The following TSNAX variants were observed in gnomAD, a reference collection of about 807,000 sequenced individuals.
TSNAX encodes the protein translin associated factor X.
A neutral mutation model predicts 33.0 loss-of-function variants in TSNAX; 12 were observed. The ratio of observed to expected loss-of-function variants is 0.36; its 90% CI spans 0.23 to 0.59. The LOEUF (loss-of-function observed/expected upper bound fraction) is 0.59, where lower values mean the gene tolerates loss of function less well. Ranked by LOEUF, TSNAX falls within the 20% of genes least tolerant of loss-of-function variation. The probability of loss-of-function intolerance (pLI) is 0.74; values close to 1 mark genes in which losing one functional copy is unlikely to be tolerated. For synonymous variants in TSNAX, 110 were observed against 117.2 expected (o/e 0.94, Z 0.40); for missense variants, 267 against 341.3 (o/e 0.78, Z 1.72).
chr1:231,547,293 A>C (rs1659975584), intron 4 of TSNAX, among the ~76,000 whole-genome samples: 1 of 151,536 alleles, frequency 6.6e-6, no homozygotes, highest in Non-Finnish European at 1.5e-5. Context: ...ATCTACTCTG[A>C]TAGACTTTCT....
At chr1:231,549,744 A>G (rs574688480) in intron 4 of TSNAX, among the ~76,000 whole-genome samples, 2 of 152,350 alleles carry the variant, frequency 1.3e-5, no homozygotes, top group African/African-American at 4.8e-5. Context: ...TATATTGTCA[A>G]CTGTGATGAG....
At chr1:231,549,534 A>G (rs893511148) in intron 4 of TSNAX, among the ~76,000 whole-genome samples, 1 of 152,248 alleles carries the variant, frequency 6.6e-6, no homozygotes, top group African/African-American at 2.4e-5. Context: ...TTACCTGAGC[A>G]ATAAATATAA....
chr1:231,531,554 CTT>C (rs1452823403), intron 2 of TSNAX, among the ~76,000 whole-genome samples: 1 of 152,144 alleles, frequency 6.6e-6, no homozygotes, highest in Non-Finnish European at 1.5e-5. Flanking sequence ...TAGTGTCTGA[CTT>C]ACAGTGGTCA....
intron 2 of TSNAX, 33 bp downstream of exon 2, chr1:231,529,392 G>T (rs1399141128): frequency 6.2e-7 from 1 of 1,600,982 alleles, no homozygotes; most frequent in Non-Finnish European, 8.6e-7. Flanking sequence ...TGAAGAAGGG[G>T]AGAGAACAAA....
chr1:231,530,963 T>G (rs1020096751), intron 2 of TSNAX, among the ~76,000 whole-genome samples: 6 of 150,380 alleles, frequency 4.0e-5, no homozygotes, highest in South Asian at 2.1e-4. Flanking sequence ...TTTTTTGGTT[T>G]TTTTTTTTTT....
At chr1:231,557,538 G>A (rs764438276) in intron 4 of TSNAX, among the ~76,000 whole-genome samples, 1 of 152,186 alleles carries the variant, frequency 6.6e-6, no homozygotes, top group Non-Finnish European at 1.5e-5. Flanking sequence ...AGGAAATGAT[G>A]TAGCCAGCTA....
At chr1:231,538,336 G>C (rs1659327390) in intron 3 of TSNAX, among the ~76,000 whole-genome samples, 1 of 152,184 alleles carries the variant, frequency 6.6e-6, no homozygotes, top group Admixed American at 6.5e-5. Flanking sequence ...TTCTATTACA[G>C]TTGTAATCAT....
At chr1:231,558,575 T>A (rs370813531) in intron 4 of TSNAX, among the ~76,000 whole-genome samples, 2 of 152,164 alleles carry the variant, frequency 1.3e-5, no homozygotes, top group South Asian at 2.1e-4. Flanking sequence ...TTTGTGCATA[T>A]CTTCTTGTTT....
intron 4 of TSNAX, 63 bp from the exon 5 acceptor site, chr1:231,561,065 T>G: frequency 6.5e-7 from 1 of 1,537,122 alleles, no homozygotes; most frequent in Non-Finnish European, 8.8e-7. Flanking sequence ...TGAAGTTTTT[T>G]TATTATGACA....
chr1:231,534,190 G>A (rs1385014953), intron 2 of TSNAX: 1 of 152,116 alleles, frequency 6.6e-6, no homozygotes, highest in Non-Finnish European at 1.5e-5. Flanking sequence ...TGCATCCCTG[G>A]CTGGAATACT....
At chr1:231,530,395 T>TACA (rs1397900650) in intron 2 of TSNAX, among the ~76,000 whole-genome samples, 1 of 152,148 alleles carries the variant, frequency 6.6e-6, no homozygotes, top group African/African-American at 2.4e-5. Flanking sequence ...AGCGTACTGA[T>TACA]ACAGAAGGTG....
In TSNAX at chr1:231,529,287, A is replaced by G. The variant is rs1658490535; in HGVS notation, c.49A>G (p.Asn17Asp). 6.2e-7 allele frequency: 1 copy of G among 1,614,174 alleles called. No homozygotes were observed. Among genetic ancestry groups the G allele is most frequent in the African/African-American group, 1.3e-5 (1 of 75,046 alleles). Reference sequence around the variant, plus strand: ...AGGGTTCAGGAAAAGGAAGCATGACAATTTCCCACATAACCAAAGAAGAGA... The same window carrying G: ...AGGGTTCAGGAAAAGGAAGCATGACGATTTCCCACATAACCAAAGAAGAGA... ...SGGFRKRKHD[N>D]FPHNQRREGK... Residue 17 changes from asparagine to aspartate, a missense_variant, in exon 2 of 6, where the codon AAT becomes GAT. This residue lies in a region of TSNAX where 200 missense variants were observed against 214.1 expected (regional missense o/e 0.93). Coordinates refer to ENST00000366639, the MANE Select transcript of TSNAX (RefSeq NM_005999.3).
At chr1:231,529,211 C>G in intron 1 of TSNAX, 44 bp from the exon 2 acceptor site, 1 of 1,597,872 alleles carries the variant, frequency 6.3e-7, no homozygotes, top group South Asian at 1.1e-5. Context: ...TTTGCAAACT[C>G]TTGGTGATGG....
Position 231,528,711 on chromosome 1 carries a change from C to T in TSNAX, c.-100C>T, listed in dbSNP as rs983733444. 2.8e-6 allele frequency: 4 copies of T among 1,440,606 alleles called. No homozygotes were observed. Among genetic ancestry groups the T allele is most frequent in the Admixed American group, 3.5e-5 (2 of 56,970 alleles). The allele number at this position is 1,440,606 out of a possible 1,614,324, so 89.2% of individuals were successfully genotyped here. Reference sequence around the variant, plus strand: ...GTCGGCCCGGCTGCAAAGCGTTTTTCTGCAGGCTGTTTTCCCAGGTTCCCT... The same window carrying T: ...GTCGGCCCGGCTGCAAAGCGTTTTTTTGCAGGCTGTTTTCCCAGGTTCCCT... On this transcript the variant is annotated 5_prime_UTR_variant, in exon 1 of 6. Coordinates refer to ENST00000366639, the MANE Select transcript of TSNAX (RefSeq NM_005999.3).
chr1:231,532,004 T>G (rs1457643418), intron 2 of TSNAX, among the ~76,000 whole-genome samples: 1 of 151,382 alleles, frequency 6.6e-6, no homozygotes, highest in Non-Finnish European at 1.5e-5. Context: ...CTCAGAAGTT[T>G]GAGGCTGCAG....
chr1:231,531,963 C>T (rs535270725), intron 2 of TSNAX, among the ~76,000 whole-genome samples: 4 of 151,714 alleles, frequency 2.6e-5, no homozygotes, highest in Admixed American at 1.3e-4. Flanking sequence ...CTGGCTACTC[C>T]GGAGGGGCTG....
chr1:231,535,213 A>G (rs1020587255), intron 2 of TSNAX: 2 of 152,210 alleles, frequency 1.3e-5, no homozygotes. Flanking sequence ...TGTAATCTTT[A>G]TGTAGACTCC....
At chr1:231,530,566 A>G (rs1437651000) in intron 2 of TSNAX, among the ~76,000 whole-genome samples, 2 of 152,146 alleles carry the variant, frequency 1.3e-5, no homozygotes, top group East Asian at 3.9e-4. Context: ...TACTAAAAAT[A>G]CAAAAAATTA....
chr1:231,557,632 C>G (rs1037262098), intron 4 of TSNAX, among the ~76,000 whole-genome samples: 1 of 152,070 alleles, frequency 6.6e-6, no homozygotes, highest in Non-Finnish European at 1.5e-5. Context: ...TAGGACAGAT[C>G]TGAGTGTGTT....
Sources: allele counts gnomAD v4.1 joint callset (sites outside exome capture counted in the v4.1 genomes callset), GRCh38; gene constraint gnomAD v4.1.1; regional missense constraint gnomAD v4.1.1; transcripts MANE v1.5; gene names NCBI Gene and HGNC (gene_info 2026-07-23, HGNC 2026-07-21).